The following KCNAB1 variants were observed in gnomAD, a reference collection of about 807,000 sequenced individuals.
The protein encoded by KCNAB1 is potassium voltage-gated channel subfamily A regulatory beta subunit 1, also known as voltage-gated potassium channel subunit beta-1.
A neutral mutation model predicts 64.6 loss-of-function variants in KCNAB1; 35 were observed. That is an observed-to-expected ratio of 0.54 (90% CI 0.41 to 0.72). The LOEUF (loss-of-function observed/expected upper bound fraction) is 0.72. KCNAB1 is among the 30% of genes least tolerant of loss of function. The pLI, the probability that KCNAB1 is intolerant of heterozygous loss-of-function variation, is 0.00. For missense variants in KCNAB1, 401 were observed against 512.9 expected, an observed-to-expected ratio of 0.78 and a Z score of 2.11; for synonymous variants, 177 against 183.8, an observed-to-expected ratio of 0.96 and a Z score of 0.30.
At position 156,203,872 on chromosome 3, in the gene KCNAB1, G is replaced by T. The variant is rs537676922; in HGVS notation, c.275+82986G>T. On this transcript the variant is annotated intron_variant, in intron 1 of 13. Coordinates refer to ENST00000490337, the MANE Select transcript of KCNAB1 (RefSeq NM_172160.3). ...TTCAGCAAGTCTCTTTTATAGTTTT[G>T]TATTCTTTCTTGCTTTGATTCTTCA... Among the ~76,000 whole-genome samples, 152 of 152,146 alleles carry T rather than the reference G, an allele frequency of 1.0e-3. 4 individuals carry two copies. The South Asian group carries it at 0.029, about 29-fold the overall frequency.
At chr3:156,441,550 G>A (rs957117277) in intron 2 of KCNAB1, 3 of 152,020 alleles carry the variant, frequency 2.0e-5, no homozygotes, top group Non-Finnish European at 4.4e-5. Flanking sequence ...CTTAATAATA[G>A]TTCCTATTTT....
chr3:156,498,480 A>G (rs1716156640), intron 8 of KCNAB1, among the ~76,000 whole-genome samples: 1 of 152,032 alleles, frequency 6.6e-6, no homozygotes, highest in South Asian at 2.1e-4. Context: ...TCCCTGCACA[A>G]CCTCTCTTTT....
At chr3:156,419,230 C>T (rs566940603) in intron 1 of KCNAB1, among the ~76,000 whole-genome samples, 24 of 152,230 alleles carry the variant, frequency 1.6e-4, no homozygotes, top group African/African-American at 4.6e-4. Context: ...TAGCGGGGCA[C>T]GGTGGCTCAC....
chr3:156,182,695 A>ATTTTTTTTTTTTT (rs10624040), intron 1 of KCNAB1, among the ~76,000 whole-genome samples: 15 of 132,720 alleles, frequency 1.1e-4, no homozygotes, highest in East Asian at 2.2e-4. Flanking sequence ...AAGTAAGACA[A>ATTTTTTTTTTTTT]TTTTTTTTTT....
At chr3:156,341,180 A>G (rs1014887277) in intron 1 of KCNAB1, among the ~76,000 whole-genome samples, 1 of 152,242 alleles carries the variant, frequency 6.6e-6, no homozygotes, top group Non-Finnish European at 1.5e-5. Flanking sequence ...ATATAGATGT[A>G]TAGATATAGA....
intron 2 of KCNAB1, among the ~76,000 whole-genome samples, chr3:156,444,959 T>G (rs1219809388): frequency 6.6e-6 from 1 of 152,116 alleles, no homozygotes; most frequent in Non-Finnish European, 1.5e-5. Flanking sequence ...AAAATAGAGA[T>G]GGCAGCAATT....
At chr3:156,124,636 T>G (rs1233140613) in intron 1 of KCNAB1, among the ~76,000 whole-genome samples, 1 of 152,216 alleles carries the variant, frequency 6.6e-6, no homozygotes, top group Non-Finnish European at 1.5e-5. Context: ...ATGAATATTA[T>G]CCAGTTGCTT....
At chr3:156,437,979 G>C (rs1576865217) in intron 2 of KCNAB1, among the ~76,000 whole-genome samples, 1 of 152,110 alleles carries the variant, frequency 6.6e-6, no homozygotes, top group Non-Finnish European at 1.5e-5. Context: ...TGTCATCTCG[G>C]CTGCCATTAC....
In KCNAB1 at chr3:156,171,836, A is replaced by T. The variant is rs375104857; in HGVS notation, c.275+50950A>T. On this transcript the variant is annotated intron_variant, in intron 1 of 13. Coordinates refer to ENST00000490337, the MANE Select transcript of KCNAB1 (RefSeq NM_172160.3). ...AATCAGTGACAAAAATGCCTAGCCTATTGGTGGATTCCATTTTGTAAGCTT... is the reference window on the plus strand; with the variant it reads ...AATCAGTGACAAAAATGCCTAGCCTTTTGGTGGATTCCATTTTGTAAGCTT... Among the ~76,000 whole-genome samples, 9 of 152,358 alleles carry T rather than the reference A, an allele frequency of 5.9e-5. No individual in the cohort carries two copies. The East Asian group carries it at 1.7e-3, about 29-fold the overall frequency.
intron 1 of KCNAB1, among the ~76,000 whole-genome samples, chr3:156,285,024 T>G (rs1720017858): frequency 6.6e-6 from 1 of 152,204 alleles, no homozygotes; most frequent in African/African-American, 2.4e-5. Context: ...TTCTGTCGTA[T>G]TTTCTTTTTA....
chr3:156,267,974 C>T (rs1403303761), intron 1 of KCNAB1, among the ~76,000 whole-genome samples: 1 of 151,672 alleles, frequency 6.6e-6, no homozygotes, highest in Non-Finnish European at 1.5e-5. Flanking sequence ...AATACTAGAT[C>T]TTCTTCATTC....
At chr3:156,531,352 A>G in intron 12 of KCNAB1, 57 bp from the exon 13 acceptor site, 1 of 1,271,374 alleles carries the variant, frequency 7.9e-7, no homozygotes, top group Non-Finnish European at 1.2e-6. Flanking sequence ...GGTGTTTATA[A>G]GCTAATCAAC....
intron 1 of KCNAB1, among the ~76,000 whole-genome samples, chr3:156,415,260 G>C (rs1027354249): frequency 6.6e-6 from 1 of 152,170 alleles, no homozygotes; most frequent in African/African-American, 2.4e-5. Context: ...AAGAAAGGCA[G>C]AAAGCAACTA....
At chr3:156,290,734 C>T (rs982580827) in intron 1 of KCNAB1, among the ~76,000 whole-genome samples, 18 of 152,168 alleles carry the variant, frequency 1.2e-4, no homozygotes, top group African/African-American at 4.3e-4. Context: ...CTGCTGCACA[C>T]CTAGTGCATC....
At chr3:156,518,804 A>C (rs966203923) in intron 11 of KCNAB1, among the ~76,000 whole-genome samples, 1 of 152,154 alleles carries the variant, frequency 6.6e-6, no homozygotes, top group African/African-American at 2.4e-5. Flanking sequence ...TTGTGTTATC[A>C]GCTCTGACTT....
rs533508694 is a variant in KCNAB1, at chr3:156,249,023, G to A, written c.275+128137G>A. On this transcript the variant is annotated intron_variant, in intron 1 of 13. Coordinates refer to ENST00000490337, the MANE Select transcript of KCNAB1 (RefSeq NM_172160.3). ...TCTTGGAGATTTCGATAGAAATCTG[G>A]TTGTGTTTTTTTTTTTAATTTTTTA... Among the ~76,000 whole-genome samples the A allele has an allele frequency of 3.8e-5, 4 of 104,104 alleles. No individual in the cohort carries two copies. The South Asian group carries it at 1.1e-3, about 30-fold the overall frequency. 68.3% of individuals were successfully genotyped at this position (104,104 alleles called of 152,430 possible).
At chr3:156,350,983 C>T (rs886485431) in intron 1 of KCNAB1, among the ~76,000 whole-genome samples, 1 of 152,182 alleles carries the variant, frequency 6.6e-6, no homozygotes, top group Non-Finnish European at 1.5e-5. Flanking sequence ...GTGAGATTTG[C>T]ACAGTTGTCA....
intron 1 of KCNAB1, among the ~76,000 whole-genome samples, chr3:156,158,106 A>G (rs1715832875): frequency 6.7e-6 from 1 of 150,172 alleles, no homozygotes; most frequent in Admixed American, 6.7e-5. Context: ...CGGAGCTTGC[A>G]GTGAGGAGAG....
At chr3:156,433,790 T>A (rs1189925710) in intron 2 of KCNAB1, among the ~76,000 whole-genome samples, 1 of 152,220 alleles carries the variant, frequency 6.6e-6, no homozygotes, top group Non-Finnish European at 1.5e-5. Context: ...GGCTTGATTG[T>A]TGCTTTCCTG....
Sources: allele counts gnomAD v4.1 joint callset (sites outside exome capture counted in the v4.1 genomes callset), GRCh38; gene constraint gnomAD v4.1.1; transcripts MANE v1.5; gene names NCBI Gene and HGNC (gene_info 2026-07-23, HGNC 2026-07-21).